The following MCIDAS variants were observed in gnomAD, a reference collection of about 807,000 sequenced individuals.
The protein encoded by MCIDAS is multiciliate differentiation and DNA synthesis associated cell cycle protein, also known as multicilin.
A neutral mutation model predicts 35.4 loss-of-function variants in MCIDAS; 23 were observed. The observed-to-expected ratio is 0.65, with a 90% CI of 0.47 to 0.92. MCIDAS has a LOEUF of 0.92. MCIDAS is among the 40% of genes least tolerant of loss of function. The pLI is 0.00. For missense variants in MCIDAS, 480 were observed against 531.8 expected, an observed-to-expected ratio of 0.90 and a Z score of 0.96; for synonymous variants, 228 against 235.2, an observed-to-expected ratio of 0.97 and a Z score of 0.28.
rs958306928 is a variant in MCIDAS at position 55,222,329 on chromosome 5, T to G, written c.453A>C (p.Pro151=). ...DFPFSPCDIS[P]FGPCLSPPLD... ...GTGGCGGGGAGAGGCAGGGCCCGAA[T>G]GGTGATATGTCGCAAGGAGAGAAGG... The change falls in exon 5 of 7, where the codon CCA becomes CCC. Residue 151 remains proline (P), a synonymous_variant. Coordinates refer to ENST00000513312, the MANE Select transcript of MCIDAS (RefSeq NM_001190787.3). 5.2e-6 allele frequency: 8 copies of G among 1,533,882 alleles called. No homozygotes were observed. The highest frequency in any genetic ancestry group is 4.9e-5 in the East Asian group (2 of 40,814).
chr5:55,227,054 C>A lies in MCIDAS; in HGVS notation c.85G>T (p.Ala29Ser), dbSNP rs1486451097. The change falls in exon 1 of 7, where the codon GCG becomes TCG. Residue 29 changes from alanine (A) to serine (S), a missense_variant. Transcript: ENST00000513312. ...PNRMLALPGR[A>S]LLCKPGKPER... is the part of the protein sequence containing the mutation. ...GGCTTCCCCGGCTTGCAGAGCAGCG[C>A]CCGGCCCGGCAGTGCCAGCATTCTG... The A allele has an allele frequency of 2.0e-6, 3 of 1,519,524 alleles. No individual in the cohort carries two copies. Among genetic ancestry groups the A allele is most frequent in the African/African-American group, 1.4e-5 (1 of 70,234 alleles). 94.1% of individuals were successfully genotyped at this position (1,519,524 alleles called of 1,614,324 possible). A position where few individuals can be genotyped will look rare whatever the true frequency, so the allele number is the denominator to read the frequency against.
At chr5:55,225,012 T>C (rs1395518595) in intron 3 of MCIDAS, among the ~76,000 whole-genome samples, 1 of 151,968 alleles carries the variant, frequency 6.6e-6, no homozygotes, top group East Asian at 1.9e-4. Flanking sequence ...CCAGCTTGGG[T>C]GACATGGCGA....
intron 1 of MCIDAS, 38 bp downstream of exon 1, chr5:55,226,981 G>A (rs1745469674): frequency 5.3e-6 from 8 of 1,506,542 alleles, no homozygotes; most frequent in Non-Finnish European, 7.1e-6. Context: ...GGGGCACCGA[G>A]CGCGCAGACC....
chr5:55,224,393 CT>C (rs1473181131), intron 3 of MCIDAS, among the ~76,000 whole-genome samples: 3 of 152,124 alleles, frequency 2.0e-5, no homozygotes, highest in Non-Finnish European at 2.9e-5. Context: ...TACTCTGCCC[CT>C]AACTTCAAAG....
rs1306287673 is a variant in MCIDAS, at chr5:55,223,913, G to T, written c.310-890C>A. ...CTCCCGGCCTCCTGCAGAGTGTCTG[G>T]GTGTGTGAGAGGAAAGGAGACCCTA... On this transcript the variant is annotated intron_variant, in intron 3 of 6. Transcript: ENST00000513312. This position sits in a 1 kb window ranked among gnomAD's most constrained non-coding sequence, Gnocchi z 4.4. Among the ~76,000 whole-genome samples the T allele has an allele frequency of 2.0e-5, 3 of 152,136 alleles. No individual in the cohort carries two copies. Among genetic ancestry groups the T allele is most frequent in the Non-Finnish European group, 2.9e-5 (2 of 68,020 alleles).
rs1357426031 is a variant in MCIDAS at position 55,220,614 on chromosome 5, G to T, written c.910C>A (p.Arg304=). The change falls in exon 7 of 7, where the codon CGA becomes AGA. Residue 304 remains arginine (R), a synonymous_variant. Transcript: ENST00000513312. ...ALQSRDPKRP[R]LLPEPANTDT... is the part of the protein sequence containing the mutation. Reference sequence around the variant, plus strand: ...GTATTCGCGGGCTCTGGCAGCAGTCGGGGCCGCTTGGGATCGCGGCTCTGA... The same window carrying T: ...GTATTCGCGGGCTCTGGCAGCAGTCTGGGCCGCTTGGGATCGCGGCTCTGA... The T allele has an allele frequency of 1.3e-6, 2 of 1,536,098 alleles. No homozygotes were observed. Among genetic ancestry groups the T allele is most frequent in the South Asian group, 2.4e-5 (2 of 84,062 alleles).
intron 5 of MCIDAS, 129 bp from the exon 6 acceptor site, chr5:55,221,255 G>C: frequency 1.7e-6 from 1 of 599,646 alleles, no homozygotes; most frequent in South Asian, 2.1e-5. Flanking sequence ...TTACGCTAGT[G>C]AGAATAATAA....
chr5:55,225,884 C>G (rs1268013481), intron 3 of MCIDAS, among the ~76,000 whole-genome samples: 1 of 152,082 alleles, frequency 6.6e-6, no homozygotes, highest in Non-Finnish European at 1.5e-5. Context: ...CAGCAAGTGG[C>G]GGAAGTGGGA....
rs1487089976 is a variant in MCIDAS, at chr5:55,222,245, C to T, written c.537G>A (p.Glu179=). 2.0e-5 allele frequency: 30 copies of T among 1,536,032 alleles called. No individual in the cohort carries two copies. Among genetic ancestry groups the T allele is most frequent in the Non-Finnish European group, 2.6e-5 (30 of 1,146,918 alleles). The part of the protein sequence containing the change: ...PLRPPDVPPP[E]QYWKEVADQN... ...GGTCCGCCACCTCCTTCCAGTATTG[C>T]TCAGGCGGGGGCACGTCTGGAGGGC... The change falls in exon 5 of 7, where the codon GAG becomes GAA. Residue 179 remains glutamate, a synonymous_variant. Transcript: ENST00000513312.
In MCIDAS at chr5:55,222,160, A is replaced by C. The variant is rs1442068417; in HGVS notation, c.606+16T>G. ...CCCTGCCCCAGGATTCCTGGTCGCC[A>C]GACCAGTGTCCCTACTTGATTATTC... On this transcript the variant is annotated intron_variant, in intron 5 of 6. Coordinates refer to ENST00000513312, the MANE Select transcript of MCIDAS (RefSeq NM_001190787.3). 1 of 1,533,510 alleles carries C rather than the reference A, an allele frequency of 6.5e-7. No homozygotes were observed. The highest frequency in any genetic ancestry group is 8.7e-7 in the Non-Finnish European group (1 of 1,146,208). 95.0% of individuals were successfully genotyped at this position (1,533,510 alleles called of 1,614,324 possible).
chr5:55,221,769 A>AT, intron 5 of MCIDAS, among the ~76,000 whole-genome samples: 1 of 152,220 alleles, frequency 6.6e-6, no homozygotes, highest in East Asian at 1.9e-4. Context: ...TACTAAAAAT[A>AT]TAAAAATTGG....
chr5:55,222,852 C>G, intron 4 of MCIDAS, 99 bp downstream of exon 4: 2 of 1,038,090 alleles, frequency 1.9e-6, no homozygotes, highest in Non-Finnish European at 2.8e-6. Context: ...TGACAGTTGG[C>G]TGGGTTTACC....
At chr5:55,220,908 C>A in intron 6 of MCIDAS, 102 bp from the exon 7 acceptor site, 1 of 1,444,204 alleles carries the variant, frequency 6.9e-7, no homozygotes, top group South Asian at 1.3e-5. Flanking sequence ...ACGCACTCAG[C>A]GGTACTCTCC....
At chr5:55,224,630 T>G (rs997375369) in intron 3 of MCIDAS, among the ~76,000 whole-genome samples, 1 of 152,192 alleles carries the variant, frequency 6.6e-6, no homozygotes, top group Non-Finnish European at 1.5e-5. Flanking sequence ...AAAAGTCTCA[T>G]GAGGAGACTG....
intron 4 of MCIDAS, 104 bp from the exon 5 acceptor site, chr5:55,222,503 T>G (rs750409745): frequency 1.3e-4 from 132 of 980,546 alleles, no homozygotes; most frequent in Non-Finnish European, 1.8e-4. Context: ...AGATTTTTCT[T>G]TATTAAATTA....
chr5:55,226,814 C>T (rs1360503476), intron 2 of MCIDAS, 21 bp downstream of exon 2: 1 of 1,387,972 alleles, frequency 7.2e-7, no homozygotes, highest in African/African-American at 1.5e-5. Context: ...CGAGGGGTAG[C>T]GTGGGTGCCA....
chr5:55,220,254 G>T lies in MCIDAS; in HGVS notation c.*112C>A. Reference sequence around the variant, plus strand: ...AATGCATCGGTATCAAGATGCTTTTGTTCCTGAAAAAGTGTTTCAGGGTGG... The same window carrying T: ...AATGCATCGGTATCAAGATGCTTTTTTTCCTGAAAAAGTGTTTCAGGGTGG... On this transcript the variant is annotated 3_prime_UTR_variant, in exon 7 of 7. Transcript: ENST00000513312. The T allele has an allele frequency of 9.7e-7, 1 of 1,027,098 alleles. No individual in the cohort carries two copies. The allele number at this position is 1,027,098 out of a possible 1,614,324, so 63.6% of individuals were successfully genotyped here. A position where few individuals can be genotyped will look rare whatever the true frequency, so the allele number is the denominator to read the frequency against.
intron 5 of MCIDAS, 101 bp downstream of exon 5, chr5:55,222,075 C>T: frequency 4.4e-6 from 5 of 1,128,082 alleles, no homozygotes; most frequent in Admixed American, 2.1e-5. Flanking sequence ...TCCACTGGTT[C>T]CGACTCACAG....
chr5:55,221,080 T>C lies in MCIDAS; in HGVS notation c.653A>G (p.Lys218Arg), dbSNP rs960716242. The change falls in exon 6 of 7, where the codon AAG (lysine) becomes AGG (arginine). Residue 218 changes from lysine (K) to arginine (R), a missense_variant. Coordinates refer to ENST00000513312, the MANE Select transcript of MCIDAS (RefSeq NM_001190787.3). ...TQKQEEIASL[K>R]ERNVQLKELA... ...TTCCTTCAGCTGCACGTTCCGCTCC[T>C]TGAGCGAGGCGATCTCCTCCTGTTT... is the stretch of plus-strand genomic sequence containing the variant. The C allele has an allele frequency of 1.3e-6, 2 of 1,536,030 alleles. No individual in the cohort carries two copies. The highest frequency in any genetic ancestry group is 8.7e-7 in the Non-Finnish European group (1 of 1,146,926).
Sources: gnomAD v4.1 joint callset for allele counts (sites outside exome capture counted in the v4.1 genomes callset) on GRCh38, gnomAD v4.1.1 for gene constraint, Gnocchi (gnomAD v3.1) non-coding constraint, MANE v1.5 for transcripts, NCBI Gene and HGNC (gene_info 2026-07-23, HGNC 2026-07-21) for gene names.